The following DCAF8L2 variants were observed in gnomAD, a reference collection of about 807,000 sequenced individuals.
DCAF8L2 encodes DDB1 and CUL4 associated factor 8 like 2.
For synonymous variants in DCAF8L2, 200 were observed against 190.9 expected (o/e 1.05, Z -0.39); for missense variants, 430 against 490.7 (o/e 0.88, Z 1.17).
the DCAF8L2 span, among the ~76,000 whole-genome samples, chrX:27,483,755 C>T: frequency 1.2e-4 from 13 of 110,873 alleles, no homozygotes; most frequent in South Asian, 4.9e-3. Context: ...ACCATTTATA[C>T]ACCAATTTTA....
At chrX:27,674,641 TCC>T (rs886393864) in intron 2 of DCAF8L2, among the ~76,000 whole-genome samples, 32 of 111,564 alleles carry the variant, frequency 2.9e-4, no homozygotes, top group African/African-American at 9.1e-4. Context: ...TGTTCATCTC[TCC>T]CAATGCTTTG....
intron 1 of DCAF8L2, among the ~76,000 whole-genome samples, chrX:27,631,332 G>A (rs1040462827): frequency 1.8e-5 from 2 of 111,329 alleles, no homozygotes; most frequent in African/African-American, 6.5e-5. Context: ...CTAAAATCAG[G>A]AAGAAGACAA....
chrX:27,470,367 T>G, the DCAF8L2 span, among the ~76,000 whole-genome samples: 1 of 111,884 alleles, frequency 8.9e-6, no homozygotes, highest in East Asian at 2.8e-4. Flanking sequence ...AGGATTTAGC[T>G]TTCATAGAGA....
chrX:27,703,692 A>G (rs1383745099), intron 3 of DCAF8L2, among the ~76,000 whole-genome samples: 1 of 111,031 alleles, frequency 9.0e-6, no homozygotes, highest in East Asian at 2.8e-4. Context: ...TTGGACCCTG[A>G]ACTCACACCA....
chrX:27,704,748 CAA>C (rs1931284165), intron 3 of DCAF8L2, among the ~76,000 whole-genome samples: 1 of 110,946 alleles, frequency 9.0e-6, no homozygotes, highest in South Asian at 3.8e-4. Context: ...ATGTGTGTAG[CAA>C]CACATCATGT....
the DCAF8L2 span, among the ~76,000 whole-genome samples, chrX:27,526,587 G>A: frequency 1.2e-4 from 13 of 112,635 alleles, no homozygotes; most frequent in African/African-American, 4.2e-4. Flanking sequence ...TTCCTTTGGA[G>A]GGGGAGAGGT....
chrX:27,523,050 T>C, the DCAF8L2 span, among the ~76,000 whole-genome samples: 8 of 112,292 alleles, frequency 7.1e-5, no homozygotes, highest in African/African-American at 2.3e-4. Flanking sequence ...ATAAACTGCC[T>C]GTAGGATTTG....
chrX:27,687,064 G>A (rs184959368), intron 3 of DCAF8L2, among the ~76,000 whole-genome samples: 51 of 111,794 alleles, frequency 4.6e-4, no homozygotes, highest in Non-Finnish European at 8.7e-4. Flanking sequence ...CCACAGACAG[G>A]TACCAGTACA....
At chrX:27,488,478 A>G in the DCAF8L2 span, among the ~76,000 whole-genome samples, 34 of 107,986 alleles carry the variant, frequency 3.1e-4, no homozygotes, top group Non-Finnish European at 6.1e-4. Context: ...TTAAAACACA[A>G]AGGCTTTTTT....
chrX:27,635,225 C>T (rs372285663), intron 2 of DCAF8L2, among the ~76,000 whole-genome samples: 35 of 111,426 alleles, frequency 3.1e-4, no homozygotes, highest in African/African-American at 1.1e-3. Context: ...AGTGGAGATA[C>T]TTTTACTTAG....
At chrX:27,533,210 GAAAGAAAGAAAGAAAGAAAGAAAGAGAA>G in the DCAF8L2 span, among the ~76,000 whole-genome samples, 3 of 50,523 alleles carry the variant, frequency 5.9e-5, no homozygotes, top group African/African-American at 1.5e-4. Flanking sequence ...AAGAAAGAAA[GAAAGAAAGAAAGAAAGAAAGAAAGAGAA>G]AGAAAGAAAG....
the DCAF8L2 span, among the ~76,000 whole-genome samples, chrX:27,537,861 T>C: frequency 1.8e-5 from 2 of 112,169 alleles, no homozygotes; most frequent in Admixed American, 1.9e-4. Flanking sequence ...ATTTAGCAAC[T>C]GGTGAGAAAT....
chrX:27,741,549 G>A (rs982935379), intron 4 of DCAF8L2, among the ~76,000 whole-genome samples: 1 of 111,089 alleles, frequency 9.0e-6, no homozygotes, highest in Non-Finnish European at 1.9e-5. Context: ...AGAGTGAGGA[G>A]CAGCTGCCTG....
At chrX:27,542,555 T>C in the DCAF8L2 span, among the ~76,000 whole-genome samples, 1 of 85,263 alleles carries the variant, frequency 1.2e-5, no homozygotes, top group Non-Finnish European at 2.3e-5. Context: ...TTTTTTTTTT[T>C]TTTTTGAGAT....
the DCAF8L2 span, among the ~76,000 whole-genome samples, chrX:27,531,579 A>C: frequency 8.9e-6 from 1 of 112,395 alleles, no homozygotes; most frequent in Non-Finnish European, 1.9e-5. Flanking sequence ...ATGCAAAATA[A>C]TCTGTAAATA....
chrX:27,583,793 A>G, the DCAF8L2 span, among the ~76,000 whole-genome samples: 7 of 111,893 alleles, frequency 6.3e-5, no homozygotes, highest in Non-Finnish European at 1.3e-4. Flanking sequence ...ACCTTGCTCC[A>G]GTCCATGGAA....
chrX:27,469,100 A>G, the DCAF8L2 span, among the ~76,000 whole-genome samples: 2 of 111,907 alleles, frequency 1.8e-5, no homozygotes, highest in African/African-American at 6.5e-5. Flanking sequence ...TGGAAGCTCC[A>G]AAATCTGCTC....
chrX:27,688,600 T>G (rs1288171212), intron 3 of DCAF8L2, among the ~76,000 whole-genome samples: 1 of 111,856 alleles, frequency 8.9e-6, no homozygotes, highest in Non-Finnish European at 1.9e-5. Flanking sequence ...GTATTATTAT[T>G]ATTGCCTAGT....
intron 2 of DCAF8L2, among the ~76,000 whole-genome samples, chrX:27,675,406 T>G (rs1930105334): frequency 8.9e-6 from 1 of 111,999 alleles, no homozygotes; most frequent in African/African-American, 3.2e-5. Flanking sequence ...TTGTAAAATT[T>G]TGGCAAATAA....
Sources: gnomAD v4.1 joint callset for allele counts (sites outside exome capture counted in the v4.1 genomes callset) on GRCh38, gnomAD v4.1.1 for gene constraint, MANE v1.5 for transcripts, NCBI Gene and HGNC (gene_info 2026-07-23, HGNC 2026-07-21) for gene names.